Variants in DCAF12L1 observed in about 807,000 individuals in gnomAD.
DCAF12L1 encodes the protein DDB1- and CUL4-associated factor 12-like protein 1.
For synonymous variants in DCAF12L1, 218 were observed against 196.4 expected (o/e 1.11, Z -0.92); for missense variants, 251 against 409.2 (o/e 0.61, Z 3.34).
In DCAF12L1 at chrX:126,551,031, A is replaced by G. The variant is rs1249014264; in HGVS notation, c.*99T>C. On this transcript the variant is annotated 3_prime_UTR_variant, in exon 2 of 2. Coordinates refer to ENST00000371126, the MANE Select transcript of DCAF12L1 (RefSeq NM_178470.5). Reference sequence around the variant, plus strand: ...TTGGAAAGGAGTCAAAAAGTCTTAAAGCCAAGTTTTCATTGACCAAAGGAC... The same window carrying G: ...TTGGAAAGGAGTCAAAAAGTCTTAAGGCCAAGTTTTCATTGACCAAAGGAC... 2.2e-6 allele frequency: 1 copy of G among 457,911 alleles called. No individual in the cohort carries two copies. The highest frequency in any genetic ancestry group is 3.4e-6 in the Non-Finnish European group (1 of 296,093). The allele number at this position is 457,911 out of a possible 1,213,427, so 37.7% of individuals were successfully genotyped here.
Position 126,551,445 on chromosome X carries a change from G to A in DCAF12L1, c.1164C>T (p.Ser388=), listed in dbSNP as rs1218461875. The stretch of plus-strand genomic sequence containing the variant: ...GTCCCGAAGAGGACTCCAGGGTGGC[G>A]GAGGCTCTTTCCTCCAGGAATTTCT... The part of the protein sequence containing the change: ...RAQKFLEERA[S]ATLESSSGPA... The change falls in exon 1 of 2, where the codon TCC becomes TCT. Residue 388 remains serine (S), a synonymous_variant. Coordinates refer to ENST00000371126, the MANE Select transcript of DCAF12L1 (RefSeq NM_178470.5). 6 of 1,210,040 alleles carry A rather than the reference G, an allele frequency of 5.0e-6. No homozygotes were observed. Among genetic ancestry groups the A allele is most frequent in the Non-Finnish European group, 6.7e-6 (6 of 895,217 alleles).
rs1323513149 is a variant in DCAF12L1, at chrX:126,552,316, T to C, written c.293A>G (p.Asn98Ser). The change falls in exon 1 of 2, where the codon AAC becomes AGC. Residue 98 changes from asparagine (N) to serine (S), a missense_variant. By Grantham distance (46) the Asn-to-Ser change is conservative (BLOSUM62 1). Transcript: ENST00000371126. Reference protein sequence around the residue: ...TERQLELGTVNKVFASQWLNS... With the variant: ...TERQLELGTVSKVFASQWLNS... The stretch of plus-strand genomic sequence containing the variant: ...CAGCCACTGTGACGCGAACACCTTG[T>C]TGACCGTGCCCAGCTCCAGTTGGCG... 4 of 1,212,313 alleles carry C rather than the reference T, an allele frequency of 3.3e-6. No individual in the cohort carries two copies. In the Admixed American group the frequency reaches 8.7e-5, roughly 26 times the overall value.
Position 126,551,808 on chromosome X carries a change from G to C in DCAF12L1, c.801C>G (p.Ala267=). ...CCTGGTTCTTGCCGCCGCAGGCCAGGGCCCGCACCTTGCGGTTACTGGGGT... is the reference window on the plus strand; with the variant it reads ...CCTGGTTCTTGCCGCCGCAGGCCAGCGCCCGCACCTTGCGGTTACTGGGGT... ...IINPSNRKVR[A]LACGGKNQEL... is the part of the protein sequence containing the mutation. The change falls in exon 1 of 2, where the codon GCC becomes GCG. Residue 267 remains alanine, a synonymous_variant. Transcript: ENST00000371126. 2 of 1,212,225 alleles carry C rather than the reference G, an allele frequency of 1.6e-6. No individual in the cohort carries two copies. The highest frequency in any genetic ancestry group is 2.2e-6 in the Non-Finnish European group (2 of 895,606).
Position 126,552,548 on chromosome X carries a change from C to G in DCAF12L1, c.61G>C (p.Glu21Gln). 1 of 1,208,400 alleles carries G rather than the reference C, an allele frequency of 8.3e-7. No homozygotes were observed. The highest frequency in any genetic ancestry group is 1.1e-6 in the Non-Finnish European group (1 of 895,268). The change falls in exon 1 of 2, where the codon GAG becomes CAG. Residue 21 changes from glutamate (E) to glutamine (Q), a missense_variant. Glu to Gln is a conservative substitution (Grantham distance 29). Coordinates refer to ENST00000371126, the MANE Select transcript of DCAF12L1 (RefSeq NM_178470.5). ...RKAPAVEADA[E>Q]SSPSQGLAAA... The stretch of plus-strand genomic sequence containing the variant: ...GCCAAGCCCTGCGACGGCGAGCTCT[C>G]GGCGTCCGCCTCGACCGCGGGCGCT...
Position 126,549,475 on chromosome X carries a change from C to T in DCAF12L1, c.*1655G>A, listed in dbSNP as rs1050391376. 1.8e-5 allele frequency: 2 copies of T among 111,661 alleles called. No homozygotes were observed. The highest frequency in any genetic ancestry group is 1.9e-4 in the Admixed American group (2 of 10,484). The allele number at this position is 111,661 out of a possible 1,213,427, so 9.2% of individuals were successfully genotyped here. On this transcript the variant is annotated 3_prime_UTR_variant, in exon 2 of 2. Transcript: ENST00000371126. ...TCAACCAGTACATATTTACTTATTG[C>T]CTTTTATTTGCTAAGTATTAGTGGA...
At position 126,550,285 on chromosome X, in the gene DCAF12L1, C is replaced by A. The variant is rs890160274; in HGVS notation, c.*845G>T. Reference sequence around the variant, plus strand: ...TATACATTCTGCCCAGCCTGCCATACATTCCACGTTTACATTTCCTGCTTT... The same window carrying A: ...TATACATTCTGCCCAGCCTGCCATAAATTCCACGTTTACATTTCCTGCTTT... On this transcript the variant is annotated 3_prime_UTR_variant, in exon 2 of 2. Transcript: ENST00000371126. 1.8e-5 allele frequency: 2 copies of A among 112,272 alleles called. No individual in the cohort carries two copies. The highest frequency in any genetic ancestry group is 9.5e-5 in the Admixed American group (1 of 10,491). 9.3% of individuals were successfully genotyped at this position (112,272 alleles called of 1,213,427 possible).
chrX:126,551,904 G>A lies in DCAF12L1; in HGVS notation c.705C>T (p.Ser235=). The change falls in exon 1 of 2, where the codon AGC becomes AGT. Residue 235 remains serine (S), a synonymous_variant. Transcript: ENST00000371126. ...GGGCATATACGGGGAGACCCACCTC[G>A]CTATGCCAGGCAACAGTGTCATCGA... is the stretch of plus-strand genomic sequence containing the variant. ...DKFDDTVAWH[S]EVGLPVYAHI... is the part of the protein sequence containing the mutation. The A allele has an allele frequency of 1.7e-6, 2 of 1,212,077 alleles. No individual in the cohort carries two copies. Among genetic ancestry groups the A allele is most frequent in the Non-Finnish European group, 2.2e-6 (2 of 895,597 alleles).
chrX:126,552,182 G>C lies in DCAF12L1; in HGVS notation c.427C>G (p.Leu143Val). The C allele has an allele frequency of 8.2e-7, 1 of 1,212,676 alleles. No homozygotes were observed. Among genetic ancestry groups the C allele is most frequent in the Non-Finnish European group, 1.1e-6 (1 of 895,706 alleles). The change falls in exon 1 of 2, where the codon CTG becomes GTG. Residue 143 changes from leucine (L) to valine (V), a missense_variant. Physicochemically the swap from Leu to Val is conservative, Grantham distance 32. Coordinates refer to ENST00000371126, the MANE Select transcript of DCAF12L1 (RefSeq NM_178470.5). ...IPLLRDSEAR[L>V]AQDQQGCGIH... ...CCGCAGCCCTGTTGGTCCTGGGCCA[G>C]CCTGGCCTCACTGTCCCGCAAGAGG...
Position 126,552,472 on chromosome X carries a change from G to A in DCAF12L1, c.137C>T (p.Ala46Val). 1 of 1,210,188 alleles carries A rather than the reference G, an allele frequency of 8.3e-7. No individual in the cohort carries two copies. The highest frequency in any genetic ancestry group is 2.3e-4 in the Middle Eastern group (1 of 4,345). ...PLLLKRQRRP[A>V]TYRSMAHYLK... Reference sequence around the variant, plus strand: ...ATAGTGCGCCATCGAGCGATACGTCGCCGGCCGCCTCTGCCTCTTGAGTAG... The same window carrying A: ...ATAGTGCGCCATCGAGCGATACGTCACCGGCCGCCTCTGCCTCTTGAGTAG... The change falls in exon 1 of 2, where the codon GCG becomes GTG. Residue 46 changes from alanine (A) to valine (V), a missense_variant. Physicochemically the swap from Ala to Val is moderately conservative, Grantham distance 64. Coordinates refer to ENST00000371126, the MANE Select transcript of DCAF12L1 (RefSeq NM_178470.5).
At position 126,550,658 on chromosome X, in the gene DCAF12L1, A is replaced by G. The variant is rs1927446317; in HGVS notation, c.*472T>C. The G allele has an allele frequency of 8.9e-6, 1 of 112,728 alleles. No homozygotes were observed. The highest frequency in any genetic ancestry group is 3.2e-5 in the African/African-American group (1 of 30,912). 9.3% of individuals were successfully genotyped at this position (112,728 alleles called of 1,213,427 possible). A position where few individuals can be genotyped will look rare whatever the true frequency, so the allele number is the denominator to read the frequency against. The stretch of plus-strand genomic sequence containing the variant: ...CAACGTAAAAACTATATACACTAAG[A>G]TCACAATTTGTAAATTAAGTGTTTC... On this transcript the variant is annotated 3_prime_UTR_variant, in exon 2 of 2. Transcript: ENST00000371126.
Position 126,550,328 on chromosome X carries a change from C to T in DCAF12L1, c.*802G>A, listed in dbSNP as rs1446674726. The T allele has an allele frequency of 8.9e-6, 1 of 112,294 alleles. No homozygotes were observed. Among genetic ancestry groups the T allele is most frequent in the Non-Finnish European group, 1.9e-5 (1 of 53,235 alleles). The allele number at this position is 112,294 out of a possible 1,213,427, so 9.3% of individuals were successfully genotyped here. A position where few individuals can be genotyped will look rare whatever the true frequency, so the allele number is the denominator to read the frequency against. On this transcript the variant is annotated 3_prime_UTR_variant, in exon 2 of 2. Transcript: ENST00000371126. ...CCTGCTTTTCATGATGGCTCCAATG[C>T]CCTGTGCAAGTTTTTCAAACAACAT...
chrX:126,549,512 A>G lies in DCAF12L1; in HGVS notation c.*1618T>C, dbSNP rs755581417. 8.9e-6 allele frequency: 1 copy of G among 112,319 alleles called. No homozygotes were observed. Among genetic ancestry groups the G allele is most frequent in the East Asian group, 2.8e-4 (1 of 3,595 alleles). 9.3% of individuals were successfully genotyped at this position (112,319 alleles called of 1,213,427 possible). ...TAAGTATTAGTGGAGAAATGAGGCA[A>G]TATAAAGATGACAATTGTATTCTCT... On this transcript the variant is annotated 3_prime_UTR_variant, in exon 2 of 2. Coordinates refer to ENST00000371126, the MANE Select transcript of DCAF12L1 (RefSeq NM_178470.5).
chrX:126,552,734 G>A lies in DCAF12L1; in HGVS notation c.-126C>T, dbSNP rs999608629. 1.9e-5 allele frequency: 20 copies of A among 1,046,225 alleles called. No homozygotes were observed. In the African/African-American group the frequency reaches 3.3e-4, roughly 17 times the overall value. 86.2% of individuals were successfully genotyped at this position (1,046,225 alleles called of 1,213,427 possible). On this transcript the variant is annotated 5_prime_UTR_variant, in exon 1 of 2. Coordinates refer to ENST00000371126, the MANE Select transcript of DCAF12L1 (RefSeq NM_178470.5). Reference sequence around the variant, plus strand: ...CCGAGCCTTCGGATTCTGAGGCGCGGCAGTGGCGGACCGGGTGAGGGACGC... The same window carrying A: ...CCGAGCCTTCGGATTCTGAGGCGCGACAGTGGCGGACCGGGTGAGGGACGC...
In DCAF12L1 at chrX:126,550,944, G is replaced by A. The variant is rs1927449572; in HGVS notation, c.*186C>T. On this transcript the variant is annotated 3_prime_UTR_variant, in exon 2 of 2. Transcript: ENST00000371126. The stretch of plus-strand genomic sequence containing the variant: ...AGAATGTATGAATCACTCAAAGAGA[G>A]AATGCAACTAAAGATTAACGATTAA... The A allele has an allele frequency of 1.3e-5, 4 of 313,692 alleles. No homozygotes were observed. Among genetic ancestry groups the A allele is most frequent in the South Asian group, 1.1e-4 (1 of 8,738 alleles). The allele number at this position is 313,692 out of a possible 1,213,427, so 25.9% of individuals were successfully genotyped here.
chrX:126,552,768 G>A lies in DCAF12L1; in HGVS notation c.-160C>T, dbSNP rs947365298. The A allele has an allele frequency of 1.5e-5, 13 of 885,646 alleles. No homozygotes were observed. Among genetic ancestry groups the A allele is most frequent in the Admixed American group, 8.3e-5 (2 of 24,183 alleles). 73.0% of individuals were successfully genotyped at this position (885,646 alleles called of 1,213,427 possible). Reference sequence around the variant, plus strand: ...GACCGGGTGAGGGACGCGCGGGAGAGGGCGGCGGTGGCGGTGCAGACCTAG... The same window carrying A: ...GACCGGGTGAGGGACGCGCGGGAGAAGGCGGCGGTGGCGGTGCAGACCTAG... On this transcript the variant is annotated 5_prime_UTR_variant, in exon 1 of 2. Coordinates refer to ENST00000371126, the MANE Select transcript of DCAF12L1 (RefSeq NM_178470.5).
chrX:126,551,522 T>A lies in DCAF12L1; in HGVS notation c.1087A>T (p.Ile363Phe). Residue 363 changes from isoleucine (I) to phenylalanine (F), a missense_variant, in exon 1 of 2, where the codon ATC becomes TTC. Physicochemically the swap from Ile to Phe is conservative, Grantham distance 21 (BLOSUM62 0). Transcript: ENST00000371126. Reference sequence around the variant, plus strand: ...GAGCCCTGACCGGTGCCCACAGTGATGATGTGGCGGTAGAAGCTCAGCGAC... The same window carrying A: ...GAGCCCTGACCGGTGCCCACAGTGAAGATGTGGCGGTAGAAGCTCAGCGAC... Reference protein sequence around the residue: ...VRSLSFYRHIITVGTGQGSLL... With the variant: ...VRSLSFYRHIFTVGTGQGSLL... The A allele has an allele frequency of 1.7e-6, 2 of 1,211,324 alleles. No individual in the cohort carries two copies. Among genetic ancestry groups the A allele is most frequent in the Non-Finnish European group, 2.2e-6 (2 of 895,482 alleles).
In DCAF12L1 at chrX:126,552,693, G is replaced by T; in HGVS notation, c.-85C>A. 2.6e-6 allele frequency: 3 copies of T among 1,139,801 alleles called. No homozygotes were observed. Among genetic ancestry groups the T allele is most frequent in the East Asian group, 6.2e-5 (2 of 32,389 alleles). The allele number at this position is 1,139,801 out of a possible 1,213,427, so 93.9% of individuals were successfully genotyped here. A position where few individuals can be genotyped will look rare whatever the true frequency, so the allele number is the denominator to read the frequency against. Reference sequence around the variant, plus strand: ...CGGAGTCGGTCGTGGCGGCGGCGTGGATGGCTGCGCTGGAACCGAGCCTTC... The same window carrying T: ...CGGAGTCGGTCGTGGCGGCGGCGTGTATGGCTGCGCTGGAACCGAGCCTTC... On this transcript the variant is annotated 5_prime_UTR_variant, in exon 1 of 2. Coordinates refer to ENST00000371126, the MANE Select transcript of DCAF12L1 (RefSeq NM_178470.5).
Position 126,552,665 on chromosome X carries a change from C to T in DCAF12L1, c.-57G>A. 3 of 1,176,050 alleles carry T rather than the reference C, an allele frequency of 2.6e-6. No homozygotes were observed. The highest frequency in any genetic ancestry group is 1.9e-5 in the South Asian group (1 of 52,563). Reference sequence around the variant, plus strand: ...CGTTGGTGGCGGTTGCAGCGCGTGGCTCCGGAGTCGGTCGTGGCGGCGGCG... The same window carrying T: ...CGTTGGTGGCGGTTGCAGCGCGTGGTTCCGGAGTCGGTCGTGGCGGCGGCG... On this transcript the variant is annotated 5_prime_UTR_variant, in exon 1 of 2. Coordinates refer to ENST00000371126, the MANE Select transcript of DCAF12L1 (RefSeq NM_178470.5).
rs1193953099 is a variant in DCAF12L1, at chrX:126,552,373, G to A, written c.236C>T (p.Ala79Val). ...QGFDGELRGYAVQRLPELLTE... is the reference protein window; with the variant it reads ...QGFDGELRGYVVQRLPELLTE... ...CAGCAGCTCGGGCAGCCTCTGTACC[G>A]CGTAGCCCCGCAGCTCGCCATCGAA... is the stretch of plus-strand genomic sequence containing the variant. Residue 79 changes from alanine (A) to valine (V), a missense_variant, in exon 1 of 2, where the codon GCG becomes GTG. By Grantham distance (64) the Ala-to-Val change is moderately conservative. Transcript: ENST00000371126. The A allele has an allele frequency of 8.3e-7, 1 of 1,210,488 alleles. No individual in the cohort carries two copies. The highest frequency in any genetic ancestry group is 2.2e-5 in the Admixed American group (1 of 45,986).
Sources: allele counts gnomAD v4.1 joint callset, GRCh38; gene constraint gnomAD v4.1.1; transcripts MANE v1.5; gene names NCBI Gene and HGNC (gene_info 2026-07-23, HGNC 2026-07-21).